CLN8: variants seen among roughly 807,000 people sequenced by gnomAD.
The protein encoded by CLN8 is protein CLN8.
CLN8 carries 14 observed loss-of-function variants against 15.7 expected under a neutral mutation model. The observed-to-expected ratio is 0.89, with a 90% CI of 0.59 to 1.39. The LOEUF (loss-of-function observed/expected upper bound fraction) is 1.39. Ranked by LOEUF, CLN8 falls within the 40% of genes most tolerant of loss-of-function variation. CLN8 has a pLI of 0.00. For missense variants in CLN8, 415 were observed against 364.0 expected (o/e 1.14, Z -1.14); for synonymous variants, 188 against 151.0 (o/e 1.25, Z -1.80).
chr8:1,753,693 G>C (rs1191454847), upstream of CLN8, among the ~76,000 whole-genome samples: 1 of 151,354 alleles, frequency 6.6e-6, no homozygotes, highest in Non-Finnish European at 1.5e-5. Context: ...AGACCATCCT[G>C]GCTAACATGG....
intron 1 of CLN8, among the ~76,000 whole-genome samples, 180 bp from the exon 2 acceptor site, chr8:1,770,752 C>A (rs1236863107): frequency 1.3e-5 from 2 of 152,158 alleles, no homozygotes; most frequent in Non-Finnish European, 2.9e-5. Context: ...GCTTTAGTTT[C>A]ATTTTCTTTC....
At chr8:1,768,207 G>A (rs1456708928) in intron 1 of CLN8, among the ~76,000 whole-genome samples, 2 of 152,130 alleles carry the variant, frequency 1.3e-5, no homozygotes, top group Non-Finnish European at 2.9e-5. Flanking sequence ...GCTTCCCAAA[G>A]TGCTGGGATT....
chr8:1,753,163 G>T (rs1585113590), upstream of CLN8, among the ~76,000 whole-genome samples: 1 of 152,118 alleles, frequency 6.6e-6, no homozygotes, highest in Admixed American at 6.5e-5. Context: ...GTTGGTACGT[G>T]GCAAGGTGTG....
At chr8:1,761,664 G>T (rs994134067), upstream of CLN8, among the ~76,000 whole-genome samples, 1 of 152,192 alleles carries the variant, frequency 6.6e-6, no homozygotes, top group African/African-American at 2.4e-5. Context: ...GGTAGGTAGG[G>T]GGCCAGTAAG....
At chr8:1,758,880 T>A (rs1053623063), upstream of CLN8, 1 of 152,214 alleles carries the variant, frequency 6.6e-6, no homozygotes, top group Non-Finnish European at 1.5e-5. Context: ...AGACTCTTAG[T>A]TAAATCTCTC....
At chr8:1,766,893 C>G (rs1170653243) in intron 1 of CLN8, among the ~76,000 whole-genome samples, 1 of 152,224 alleles carries the variant, frequency 6.6e-6, no homozygotes, top group African/African-American at 2.4e-5. Flanking sequence ...AAGCTGAGCT[C>G]TTCCCATACC....
chr8:1,761,021 T>C (rs1800784017), upstream of CLN8, among the ~76,000 whole-genome samples: 1 of 140,440 alleles, frequency 7.1e-6, no homozygotes, highest in Non-Finnish European at 1.5e-5. Flanking sequence ...TCTTTTTTTT[T>C]TTTTTTTTTT....
At chr8:1,771,780 G>A (rs982384466) in intron 2 of CLN8, among the ~76,000 whole-genome samples, 183 bp downstream of exon 2, 1 of 151,828 alleles carries the variant, frequency 6.6e-6, no homozygotes, top group Non-Finnish European at 1.5e-5. Flanking sequence ...ATTTTGAGAC[G>A]GATTCTGGCT....
In CLN8 at chr8:1,780,788, G is replaced by T; in HGVS notation, c.*221G>T. 3.3e-6 allele frequency: 2 copies of T among 603,354 alleles called. No individual in the cohort carries two copies. The highest frequency in any genetic ancestry group is 4.1e-5 in the South Asian group (2 of 48,374). 37.4% of individuals were successfully genotyped at this position (603,354 alleles called of 1,614,324 possible). The stretch of plus-strand genomic sequence containing the variant: ...CTGTCTGGCAGGCTCTGTCAGTTTA[G>T]CCGCGCCGGACCGTGTCAAGCATCT... On this transcript the variant is annotated 3_prime_UTR_variant, in exon 3 of 3. Coordinates refer to ENST00000331222, the MANE Select transcript of CLN8 (RefSeq NM_018941.4).
chr8:1,766,389 TG>T lies in CLN8; in HGVS notation c.-124+2505del, dbSNP rs1191434778. Among the ~76,000 whole-genome samples, 337 of 115,180 alleles carry T rather than the reference TG, an allele frequency of 2.9e-3. 2 individuals are homozygous for T. The highest frequency in any genetic ancestry group is 8.7e-3 in the African/African-American group (251 of 28,794). 75.6% of individuals were successfully genotyped at this position (115,180 alleles called of 152,430 possible). On this transcript the variant is annotated intron_variant, in intron 1 of 2. Coordinates refer to ENST00000331222, the MANE Select transcript of CLN8 (RefSeq NM_018941.4). ...CCATTAGGTTCGGCCTCCAGTTTTT[TG>T]TTTTTTTTTTTTTTTTTGAGACGGA... is the stretch of plus-strand genomic sequence containing the variant.
chr8:1,784,850 G>T lies in CLN8; in HGVS notation c.*4283G>T. On this transcript the variant is annotated 3_prime_UTR_variant, in exon 3 of 3. Transcript: ENST00000331222. ...GTTTCACCCTCGCACAGGCTGCCTG[G>T]CAAGACCAGCGGCTGGAGGTGATGT... 6.6e-6 allele frequency: 1 copy of T among 152,508 alleles called. No individual in the cohort carries two copies. The highest frequency in any genetic ancestry group is 1.5e-5 in the Non-Finnish European group (1 of 68,188). The allele number at this position is 152,508 out of a possible 1,614,324, so 9.4% of individuals were successfully genotyped here. A position where few individuals can be genotyped will look rare whatever the true frequency, so the allele number is the denominator to read the frequency against.
chr8:1,778,935 G>A (rs1427262876), intron 2 of CLN8, among the ~76,000 whole-genome samples: 1 of 152,132 alleles, frequency 6.6e-6, no homozygotes, highest in African/African-American at 2.4e-5. Context: ...ATGGTATATA[G>A]CCTGGCCTGC....
At chr8:1,753,133 A>C (rs189047848), upstream of CLN8, among the ~76,000 whole-genome samples, 1 of 152,170 alleles carries the variant, frequency 6.6e-6, no homozygotes, top group Admixed American at 6.5e-5. Flanking sequence ...CCCCTTTCTG[A>C]TAATTACATA....
At chr8:1,775,486 A>G (rs1399121162) in intron 2 of CLN8, among the ~76,000 whole-genome samples, 1 of 152,216 alleles carries the variant, frequency 6.6e-6, no homozygotes, top group East Asian at 1.9e-4. Flanking sequence ...GACTTTGACT[A>G]CAAAAATTTT....
intron 2 of CLN8, chr8:1,779,996 A>C (rs1371529909): frequency 1.0e-6 from 1 of 985,366 alleles, no homozygotes; most frequent in Non-Finnish European, 1.2e-6. Context: ...AGCAGAAGCC[A>C]AAGAGCAAGA....
intron 1 of CLN8, among the ~76,000 whole-genome samples, chr8:1,766,039 A>G (rs372099394): frequency 4.6e-5 from 7 of 152,178 alleles, no homozygotes; most frequent in South Asian, 2.1e-4. Context: ...TAGATGCATG[A>G]CAGAGTCGAA....
At position 1,763,807 on chromosome 8, in the gene CLN8, A is replaced by G. The variant is rs1306795651; in HGVS notation, c.-202A>G. The stretch of plus-strand genomic sequence containing the variant: ...GCCGGCCAGTCGTGACTGGGCGGCA[A>G]TGAGGTCAGTGACTGCCGGGAGTCC... On this transcript the variant is annotated 5_prime_UTR_variant, in exon 1 of 3. An upstream start codon of the reference 5' UTR is lost. Coordinates refer to ENST00000331222, the MANE Select transcript of CLN8 (RefSeq NM_018941.4). The G allele has an allele frequency of 5.3e-5, 8 of 150,380 alleles. No homozygotes were observed. The highest frequency in any genetic ancestry group is 2.0e-4 in the East Asian group (1 of 4,932). The allele number at this position is 150,380 out of a possible 1,614,324, so 9.3% of individuals were successfully genotyped here.
chr8:1,762,908 G>A (rs1237682533), upstream of CLN8: 1 of 152,208 alleles, frequency 6.6e-6, no homozygotes, highest in African/African-American at 2.4e-5. Flanking sequence ...TAAGTGGTGA[G>A]TACTCCTCTA....
chr8:1,782,957 C>A lies in CLN8; in HGVS notation c.*2390C>A, dbSNP rs971445761. ...GGTGCTGTAGAGAAGCACAGGCTCA[C>A]CCGCTCCGTCCAGTGTCACCCACAC... On this transcript the variant is annotated 3_prime_UTR_variant, in exon 3 of 3. Coordinates refer to ENST00000331222, the MANE Select transcript of CLN8 (RefSeq NM_018941.4). 1 of 152,260 alleles carries A rather than the reference C, an allele frequency of 6.6e-6. No homozygotes were observed. Among genetic ancestry groups the A allele is most frequent in the Non-Finnish European group, 1.5e-5 (1 of 68,078 alleles). 9.4% of individuals were successfully genotyped at this position (152,260 alleles called of 1,614,324 possible).
Sources: gnomAD v4.1 joint callset for allele counts (sites outside exome capture counted in the v4.1 genomes callset) on GRCh38, gnomAD v4.1.1 for gene constraint, MANE v1.5 for transcripts, NCBI Gene and HGNC (gene_info 2026-07-23, HGNC 2026-07-21) for gene names.